Variants in GRM7 observed in about 807,000 individuals in gnomAD.
GRM7 encodes the protein metabotropic glutamate receptor 7.
A neutral mutation model predicts 84.5 loss-of-function variants in GRM7; 35 were observed. That is an observed-to-expected ratio of 0.41 (90% CI 0.32 to 0.55). GRM7 has a LOEUF of 0.55. GRM7 is among the 20% of genes least tolerant of loss of function. The pLI is 0.19. For missense variants in GRM7, 1,003 were observed against 1,194.6 expected (o/e 0.84, Z 2.36); for synonymous variants, 487 against 455.1 (o/e 1.07, Z -0.89).
At chr3:6,958,295 C>A (rs1045852720) in intron 1 of GRM7, among the ~76,000 whole-genome samples, 1 of 151,106 alleles carries the variant, frequency 6.6e-6, no homozygotes, top group South Asian at 2.1e-4. Context: ...GTTTGAGATA[C>A]ATCTGTGCTA....
intron 1 of GRM7, among the ~76,000 whole-genome samples, chr3:7,062,503 TAAATA>T (rs1318866883): frequency 6.6e-6 from 1 of 151,724 alleles, no homozygotes; most frequent in Non-Finnish European, 1.5e-5. Flanking sequence ...TAAATACAAA[TAAATA>T]TAAGAAGTGG....
chr3:6,954,426 A>T (rs540281610), intron 1 of GRM7, among the ~76,000 whole-genome samples: 16 of 152,334 alleles, frequency 1.1e-4, no homozygotes, highest in African/African-American at 3.6e-4. Flanking sequence ...ATTATGTGCT[A>T]GCTGTCTGAT....
intron 4 of GRM7, among the ~76,000 whole-genome samples, chr3:7,394,553 G>T (rs906867581): frequency 6.6e-6 from 1 of 152,108 alleles, no homozygotes; most frequent in Admixed American, 6.5e-5. Context: ...CAAATATATA[G>T]AAATTTTTTG....
At chr3:7,046,041 T>A (rs954535673) in intron 1 of GRM7, among the ~76,000 whole-genome samples, 29 of 152,148 alleles carry the variant, frequency 1.9e-4, no homozygotes, top group African/African-American at 6.8e-4. Flanking sequence ...TGCCAGCACT[T>A]ACCTTTTGTT....
chr3:6,962,116 A>G (rs572801403), intron 1 of GRM7, among the ~76,000 whole-genome samples: 10 of 152,280 alleles, frequency 6.6e-5, no homozygotes, highest in Admixed American at 1.3e-4. Context: ...TACCTTATGC[A>G]TACTTTTGAT....
intron 7 of GRM7, among the ~76,000 whole-genome samples, chr3:7,571,699 C>T (rs866509912): frequency 6.6e-5 from 10 of 152,324 alleles, no homozygotes; most frequent in African/African-American, 2.4e-4. Flanking sequence ...GTTCTGAAGT[C>T]ACTTCCACAT....
intron 4 of GRM7, among the ~76,000 whole-genome samples, chr3:7,373,765 G>A (rs10510366): frequency 0.25 from 37,547 of 152,100 alleles, 6,555 homozygotes; most frequent in African/African-American, 0.5. Context: ...CTGGGATTTA[G>A]TATTCTGAAG....
rs1444493426 is a variant in GRM7, at chr3:6,863,489, C to A, written c.519+1582C>A. Among the ~76,000 whole-genome samples, 1 of 152,174 alleles carries A rather than the reference C, an allele frequency of 6.6e-6. No individual in the cohort carries two copies. Among genetic ancestry groups the A allele is most frequent in the African/African-American group, 2.4e-5 (1 of 41,444 alleles). ...CCATCCAAGGCTGCAGCTTGCATGG[C>A]CCCTCTGATCCTCTGAGCATCTCTG... On this transcript the variant is annotated intron_variant, in intron 1 of 9. Coordinates refer to ENST00000357716, the MANE Select transcript of GRM7 (RefSeq NM_000844.4). This position sits in a 1 kb window ranked among gnomAD's most constrained non-coding sequence, Gnocchi z 4.8.
intron 7 of GRM7, among the ~76,000 whole-genome samples, chr3:7,485,274 A>G (rs900018203): frequency 6.6e-6 from 1 of 152,214 alleles, no homozygotes; most frequent in African/African-American, 2.4e-5. Context: ...TCAATAACTA[A>G]TATGCCTTCA....
At chr3:7,347,948 A>G (rs1457908632) in intron 4 of GRM7, among the ~76,000 whole-genome samples, 1 of 152,174 alleles carries the variant, frequency 6.6e-6, no homozygotes, top group Non-Finnish European at 1.5e-5. Context: ...ATTGTGCTGA[A>G]TGCACAATTC....
chr3:7,454,306 C>T (rs559266238), intron 6 of GRM7, among the ~76,000 whole-genome samples: 2 of 152,038 alleles, frequency 1.3e-5, no homozygotes, highest in East Asian at 1.9e-4. Flanking sequence ...GGATAAAAGA[C>T]ATAGGAGAAA....
intron 1 of GRM7, among the ~76,000 whole-genome samples, chr3:7,010,822 C>T (rs1302600857): frequency 6.6e-6 from 1 of 152,068 alleles, no homozygotes; most frequent in African/African-American, 2.4e-5. Context: ...ACTGTCTGGG[C>T]AAGATCATGG....
At chr3:7,040,848 C>T (rs1696577174) in intron 1 of GRM7, among the ~76,000 whole-genome samples, 1 of 151,748 alleles carries the variant, frequency 6.6e-6, no homozygotes, top group Non-Finnish European at 1.5e-5. Context: ...TTTGGGAGGC[C>T]AAGGTCGGTG....
intron 4 of GRM7, among the ~76,000 whole-genome samples, chr3:7,329,298 C>T (rs1250188788): frequency 1.3e-5 from 2 of 152,158 alleles, no homozygotes; most frequent in Non-Finnish European, 2.9e-5. Context: ...CTGTTCCATC[C>T]ATCATTTAAC....
chr3:7,102,061 T>C (rs997152895), intron 1 of GRM7, among the ~76,000 whole-genome samples: 1 of 151,662 alleles, frequency 6.6e-6, no homozygotes, highest in Non-Finnish European at 1.5e-5. Context: ...AAAATTTTTT[T>C]CTTTCAAAAT....
At chr3:6,914,386 A>C (rs1359179202) in intron 1 of GRM7, among the ~76,000 whole-genome samples, 1 of 152,108 alleles carries the variant, frequency 6.6e-6, no homozygotes, top group Non-Finnish European at 1.5e-5. Flanking sequence ...TATTTTCACA[A>C]TAGCTTTCAT....
intron 4 of GRM7, among the ~76,000 whole-genome samples, chr3:7,380,923 A>C (rs1263723849): frequency 6.6e-6 from 1 of 152,144 alleles, no homozygotes; most frequent in East Asian, 1.9e-4. Flanking sequence ...GTCTCTGAAA[A>C]ATTTCTATTA....
intron 5 of GRM7, among the ~76,000 whole-genome samples, chr3:7,436,670 A>T (rs1697068984): frequency 1.3e-5 from 2 of 152,180 alleles, no homozygotes; most frequent in South Asian, 4.1e-4. Flanking sequence ...CCTACAATCA[A>T]ACTGCAAACT....
At chr3:7,278,739 C>G (rs981960088) in intron 2 of GRM7, among the ~76,000 whole-genome samples, 12 of 152,128 alleles carry the variant, frequency 7.9e-5, no homozygotes, top group African/African-American at 2.7e-4. Context: ...GAACCATGAT[C>G]AAGTATAGGA....
Sources: allele counts gnomAD v4.1 joint callset (sites outside exome capture counted in the v4.1 genomes callset), GRCh38; gene constraint gnomAD v4.1.1; non-coding constraint Gnocchi (gnomAD v3.1); transcripts MANE v1.5; gene names NCBI Gene and HGNC (gene_info 2026-07-23, HGNC 2026-07-21).